The following TSNARE1 variants were observed in gnomAD, a reference collection of about 807,000 sequenced individuals.
TSNARE1 encodes t-SNARE domain containing 1.
In TSNARE1, 49 loss-of-function variants were observed where a neutral mutation model predicts 62.0. The observed-to-expected ratio is 0.79, with a 90% confidence interval of 0.63 to 1.00. The LOEUF (loss-of-function observed/expected upper bound fraction) is 1.00. Among genes scored for constraint, TSNARE1 ranks in the 50% least tolerant of loss-of-function variants. The pLI is 0.00. For missense variants in TSNARE1, 755 were observed against 700.1 expected (o/e 1.08, Z -0.88); for synonymous variants, 328 against 294.4 (o/e 1.11, Z -1.17).
chr8:142,361,888 G>A (rs538811508), intron 1 of TSNARE1, among the ~76,000 whole-genome samples: 13 of 152,312 alleles, frequency 8.5e-5, no homozygotes, highest in East Asian at 3.9e-4. Context: ...CCTCAGCCGC[G>A]CCCCACCACA....
chr8:142,239,395 G>T (rs939156913), intron 12 of TSNARE1, among the ~76,000 whole-genome samples: 2 of 152,216 alleles, frequency 1.3e-5, no homozygotes, highest in African/African-American at 2.4e-5. Flanking sequence ...CATGGAAGTT[G>T]GAAGGGAGTA....
At chr8:142,354,125 T>TG (rs1484851011) in intron 2 of TSNARE1, among the ~76,000 whole-genome samples, 1 of 151,788 alleles carries the variant, frequency 6.6e-6, no homozygotes, top group East Asian at 1.9e-4. Flanking sequence ...GCCTGCAGGG[T>TG]GGGGGTGGAT....
rs200559261 is a variant in TSNARE1, at chr8:142,344,121, C to T, written c.590G>A (p.Arg197His). The T allele has an allele frequency of 3.1e-6, 5 of 1,612,052 alleles. No homozygotes were observed. Among genetic ancestry groups the T allele is most frequent in the East Asian group, 2.2e-5 (1 of 44,832 alleles). Reference sequence around the variant, plus strand: ...CGCCTTCCGGAGGTCGCCCAGCTTGCGCCGCACGACGGCTCGTAGGTCCCG... The same window carrying T: ...CGCCTTCCGGAGGTCGCCCAGCTTGTGCCGCACGACGGCTCGTAGGTCCCG... ...KWRDLRAVVR[R>H]KLGDLRKAAH... is the part of the protein sequence containing the mutation. Residue 197 changes from arginine to histidine, a missense_variant, in exon 4 of 14, where the codon CGC (arginine) becomes CAC (histidine). Physicochemically the swap from Arg to His is conservative, Grantham distance 29. Coordinates refer to ENST00000524325, the MANE Select transcript of TSNARE1 (RefSeq NM_145003.5).
intron 1 of TSNARE1, among the ~76,000 whole-genome samples, chr8:142,385,661 G>A (rs1264790925): frequency 2.6e-5 from 4 of 152,194 alleles, no homozygotes; most frequent in Non-Finnish European, 5.9e-5. Context: ...AGAAATACAA[G>A]TAGATTTAAT....
intron 12 of TSNARE1, 151 bp from the exon 13 acceptor site, chr8:142,229,730 G>C: frequency 1.5e-6 from 1 of 656,996 alleles, no homozygotes; most frequent in Non-Finnish European, 2.7e-6. Context: ...CTTTCAAGGG[G>C]CTCTGTCCTG....
intron 1 of TSNARE1, among the ~76,000 whole-genome samples, chr8:142,389,066 G>A (rs932376549): frequency 1.3e-5 from 2 of 152,170 alleles, no homozygotes; most frequent in East Asian, 1.9e-4. Context: ...ACAGCCTAAC[G>A]AAACAGGATA....
At chr8:142,246,166 C>T (rs891006592) in intron 12 of TSNARE1, among the ~76,000 whole-genome samples, 9 of 152,162 alleles carry the variant, frequency 5.9e-5, no homozygotes, top group African/African-American at 1.9e-4. Flanking sequence ...CCAAGGGCAC[C>T]CAGGGCCTGT....
intron 11 of TSNARE1, among the ~76,000 whole-genome samples, chr8:142,284,192 G>A (rs568850327): frequency 6.6e-6 from 1 of 152,334 alleles, no homozygotes; most frequent in East Asian, 1.9e-4. Context: ...GCAGGGACCA[G>A]TGTCAATGAG....
At chr8:142,214,535 C>T (rs1014884575) in intron 13 of TSNARE1, among the ~76,000 whole-genome samples, 2 of 152,204 alleles carry the variant, frequency 1.3e-5, no homozygotes, top group East Asian at 1.9e-4. Context: ...GTCTACCTTG[C>T]GCTGGGCCTG....
intron 11 of TSNARE1, 148 bp from the exon 12 acceptor site, chr8:142,275,011 C>G (rs575542502): frequency 7.3e-7 from 1 of 1,369,266 alleles, no homozygotes; most frequent in Non-Finnish European, 9.5e-7. Context: ...GGCTGCCAGA[C>G]GTGCCGAGGG....
chr8:142,274,426 C>G, intron 12 of TSNARE1: 1 of 985,502 alleles, frequency 1.0e-6, no homozygotes, highest in South Asian at 4.7e-5. Context: ...AGTTCCCCGC[C>G]CCAGTATGGA....
intron 12 of TSNARE1, among the ~76,000 whole-genome samples, chr8:142,230,604 G>C (rs982825012): frequency 1.3e-5 from 2 of 151,894 alleles, no homozygotes; most frequent in East Asian, 3.9e-4. Context: ...GAGAAGGGAG[G>C]GTAAGATGGA....
intron 12 of TSNARE1, chr8:142,273,400 T>C (rs889165839): frequency 6.1e-6 from 6 of 985,308 alleles, no homozygotes; most frequent in Non-Finnish European, 7.2e-6. Flanking sequence ...GCCCATCACC[T>C]TCTGCCTCCT....
intron 10 of TSNARE1, among the ~76,000 whole-genome samples, chr8:142,296,007 T>A (rs1261572286): frequency 2.2e-5 from 2 of 90,020 alleles, no homozygotes; most frequent in Non-Finnish European, 4.3e-5. Context: ...AGGGGGGAGG[T>A]CACTCATGGG....
chr8:142,284,573 G>A (rs531702178), intron 10 of TSNARE1, 88 bp from the exon 11 acceptor site: 25 of 1,063,552 alleles, frequency 2.4e-5, no homozygotes, highest in East Asian at 1.9e-4. Context: ...AACCTGGGGC[G>A]GGCCCAGGTG....
chr8:142,358,856 C>T (rs895988484), intron 1 of TSNARE1, among the ~76,000 whole-genome samples: 2 of 152,054 alleles, frequency 1.3e-5, no homozygotes, highest in Non-Finnish European at 2.9e-5. Context: ...AGGTGCCCCA[C>T]GCTTCCACTT....
At chr8:142,297,349 G>A (rs1824940659) in intron 10 of TSNARE1, among the ~76,000 whole-genome samples, 1 of 152,186 alleles carries the variant, frequency 6.6e-6, no homozygotes, top group Non-Finnish European at 1.5e-5. Context: ...CAGGAATCGC[G>A]CAACACTGGC....
rs371428784 is a variant in TSNARE1 at position 142,391,097 on chromosome 8, T to G, written c.-40+12007A>C. ...GACTCTAACAGACGCTGTACACTGCTGGGGACTCTAACAGACGCTGTACAC... is the reference window on the plus strand; with the variant it reads ...GACTCTAACAGACGCTGTACACTGCGGGGGACTCTAACAGACGCTGTACAC... On this transcript the variant is annotated intron_variant, in intron 1 of 13. Coordinates refer to ENST00000524325, the MANE Select transcript of TSNARE1 (RefSeq NM_145003.5). Among the ~76,000 whole-genome samples the G allele has an allele frequency of 1.9e-3, 200 of 105,076 alleles. 2 individuals are homozygous for G. The highest frequency in any genetic ancestry group is 0.01 in the Middle Eastern group (1 of 100). The allele number at this position is 105,076 out of a possible 152,430, so 68.9% of individuals were successfully genotyped here.
chr8:142,266,247 A>G (rs560505583), intron 12 of TSNARE1, among the ~76,000 whole-genome samples: 1 of 152,258 alleles, frequency 6.6e-6, no homozygotes, highest in Non-Finnish European at 1.5e-5. Context: ...CAAATTAGAC[A>G]TTCTAGTAAT....
Sources: gnomAD v4.1 joint callset for allele counts (sites outside exome capture counted in the v4.1 genomes callset) on GRCh38, gnomAD v4.1.1 for gene constraint, MANE v1.5 for transcripts, NCBI Gene and HGNC (gene_info 2026-07-23, HGNC 2026-07-21) for gene names.